IGF1: variants seen among roughly 807,000 people sequenced by gnomAD.
IGF1 encodes the protein insulin like growth factor 1.
In IGF1, 4 loss-of-function variants were observed where a neutral mutation model predicts 13.8. The observed-to-expected ratio is 0.29, with a 90% confidence interval of 0.14 to 0.66. IGF1 has a LOEUF of 0.66. Among genes scored for constraint, IGF1 ranks in the 30% least tolerant of loss-of-function variants. The pLI is 0.78. For synonymous variants in IGF1, 76 were observed against 72.6 expected, an observed-to-expected ratio of 1.05 and a Z score of -0.23; for missense variants, 124 against 188.5, an observed-to-expected ratio of 0.66 and a Z score of 2.00.
In IGF1 at chr12:102,402,372, A is replaced by T. The variant is rs1299168976; in HGVS notation, c.*135T>A. The T allele has an allele frequency of 1.7e-5, 13 of 767,222 alleles. No individual in the cohort carries two copies. The highest frequency in any genetic ancestry group is 3.2e-5 in the Non-Finnish European group (13 of 411,398). 47.5% of individuals were successfully genotyped at this position (767,222 alleles called of 1,614,324 possible). A position where few individuals can be genotyped will look rare whatever the true frequency, so the allele number is the denominator to read the frequency against. On this transcript the variant is annotated 3_prime_UTR_variant, in exon 4 of 4. Coordinates refer to ENST00000337514, the MANE Select transcript of IGF1 (RefSeq NM_000618.5). The stretch of plus-strand genomic sequence containing the variant: ...GTTGGAATGTTTACTTGTGTATTTC[A>T]TTGGGGGAAACGCCCATCTTTTAAA...
intron 2 of IGF1, among the ~76,000 whole-genome samples, chr12:102,448,704 A>T (rs1182536228): frequency 3.3e-5 from 5 of 151,444 alleles, no homozygotes; most frequent in East Asian, 1.9e-4. Flanking sequence ...AAAAAAAAAA[A>T]AAAAAAAAAA....
chr12:102,413,663 A>G (rs756574563), intron 3 of IGF1, among the ~76,000 whole-genome samples: 1 of 152,196 alleles, frequency 6.6e-6, no homozygotes, highest in Non-Finnish European at 1.5e-5. Flanking sequence ...CTGCATTTCT[A>G]TTTATTTTGG....
intron 2 of IGF1, among the ~76,000 whole-genome samples, chr12:102,474,986 T>C (rs1000045677): frequency 5.3e-5 from 8 of 152,026 alleles, no homozygotes; most frequent in Non-Finnish European, 8.8e-5. Flanking sequence ...CATTGATGGG[T>C]CCCGGAGAAG....
chr12:102,467,628 C>A (rs985779771), intron 2 of IGF1, among the ~76,000 whole-genome samples: 15 of 152,130 alleles, frequency 9.9e-5, no homozygotes, highest in Non-Finnish European at 1.6e-4. Flanking sequence ...GTACAAATTT[C>A]CACAGCGAGG....
intron 2 of IGF1, among the ~76,000 whole-genome samples, chr12:102,436,288 C>T (rs1019602294): frequency 6.6e-6 from 1 of 152,196 alleles, no homozygotes; most frequent in African/African-American, 2.4e-5. Context: ...GAAATTAGAG[C>T]CTTCACAGAT....
chr12:102,402,240 ATATAT>A lies in IGF1; in HGVS notation c.*262_*266del. Reference sequence around the variant, plus strand: ...GGCAGGGACTAAGATATATATATATATATATTTTTTTTTTCTTTTCTATAGAACAT... The same window carrying A: ...GGCAGGGACTAAGATATATATATATATTTTTTTTTCTTTTCTATAGAACAT... On this transcript the variant is annotated 3_prime_UTR_variant, in exon 4 of 4. Coordinates refer to ENST00000337514, the MANE Select transcript of IGF1 (RefSeq NM_000618.5). 4.0e-6 allele frequency: 1 copy of A among 252,436 alleles called. No homozygotes were observed. 15.6% of individuals were successfully genotyped at this position (252,436 alleles called of 1,614,324 possible).
chr12:102,434,844 T>A (rs1469983378), intron 2 of IGF1, among the ~76,000 whole-genome samples: 2 of 151,810 alleles, frequency 1.3e-5, no homozygotes, highest in Non-Finnish European at 2.9e-5. Context: ...CCATTCTAAC[T>A]GGTGTGAGAT....
chr12:102,458,294 G>A (rs1026806145), intron 2 of IGF1, among the ~76,000 whole-genome samples: 1 of 152,166 alleles, frequency 6.6e-6, no homozygotes, highest in Non-Finnish European at 1.5e-5. Flanking sequence ...CCCAGGAATA[G>A]ACTGACTCCT....
intron 3 of IGF1, among the ~76,000 whole-genome samples, chr12:102,418,241 G>T (rs1391842197): frequency 2.0e-5 from 3 of 152,330 alleles, no homozygotes; most frequent in East Asian, 3.9e-4. Flanking sequence ...GAGAAAGAAT[G>T]AATCTGCCTT....
At chr12:102,473,804 C>T (rs1167734742) in intron 2 of IGF1, among the ~76,000 whole-genome samples, 1 of 152,174 alleles carries the variant, frequency 6.6e-6, no homozygotes, top group African/African-American at 2.4e-5. Context: ...AGTGTCTGTG[C>T]AAACACTTAT....
chr12:102,478,396 A>G, intron 1 of IGF1: 1 of 781,212 alleles, frequency 1.3e-6, no homozygotes, highest in Non-Finnish European at 1.8e-6. Context: ...TTAATCTTAG[A>G]TAAATGGAAT....
intron 3 of IGF1, among the ~76,000 whole-genome samples, chr12:102,414,086 T>C (rs1333752492): frequency 1.3e-5 from 2 of 152,212 alleles, no homozygotes; most frequent in African/African-American, 4.8e-5. Context: ...AGTAAAATAA[T>C]GTTAACTAAA....
Position 102,398,188 on chromosome 12 carries a change from A to T in IGF1, c.*4319T>A, listed in dbSNP as rs929741709. ...TAAATTCTTTCTTTATCAGTAGATA[A>T]CCCCCATCTCATAAGGAAATACTTT... On this transcript the variant is annotated 3_prime_UTR_variant, in exon 4 of 4. Coordinates refer to ENST00000337514, the MANE Select transcript of IGF1 (RefSeq NM_000618.5). The T allele has an allele frequency of 6.6e-6, 1 of 152,410 alleles. No homozygotes were observed. The highest frequency in any genetic ancestry group is 1.5e-5 in the Non-Finnish European group (1 of 68,004). 9.4% of individuals were successfully genotyped at this position (152,410 alleles called of 1,614,324 possible).
intron 2 of IGF1, among the ~76,000 whole-genome samples, chr12:102,464,264 G>A (rs185007737): frequency 2.2e-4 from 34 of 151,836 alleles, no homozygotes; most frequent in African/African-American, 8.0e-4. Flanking sequence ...CAGTGGAGCA[G>A]TGGTGAAGGG....
At position 102,404,601 on chromosome 12, in the gene IGF1, A is replaced by G. The variant is rs144803025; in HGVS notation, c.403-2035T>C. On this transcript the variant is annotated intron_variant, in intron 3 of 3. Coordinates refer to ENST00000337514, the MANE Select transcript of IGF1 (RefSeq NM_000618.5). ...TGCAAAAAGGAAAAAAAGATGGTAG[A>G]AAGAAACTGGGCATTTGTATAGAAT... 7.2e-3 allele frequency among the ~76,000 whole-genome samples: 1,095 copies of G among 152,328 alleles called. 5 individuals carry two copies. Among genetic ancestry groups the G allele is most frequent in the Middle Eastern group, 0.041 (12 of 294 alleles).
chr12:102,397,522 C>T lies in IGF1; in HGVS notation c.*4985G>A, dbSNP rs1873313951. On this transcript the variant is annotated 3_prime_UTR_variant, in exon 4 of 4. Transcript: ENST00000337514. ...TTCTCTCTTTTTTAAATAGAAATTA[C>T]ACAAAAAAGATATCTATGTATCACT... 6.6e-6 allele frequency: 1 copy of T among 152,052 alleles called. No individual in the cohort carries two copies. 9.4% of individuals were successfully genotyped at this position (152,052 alleles called of 1,614,324 possible). A position where few individuals can be genotyped will look rare whatever the true frequency, so the allele number is the denominator to read the frequency against.
At chr12:102,414,042 C>G (rs1874876431) in intron 3 of IGF1, among the ~76,000 whole-genome samples, 1 of 152,194 alleles carries the variant, frequency 6.6e-6, no homozygotes, top group African/African-American at 2.4e-5. Flanking sequence ...AGGAGACCAA[C>G]TTCTTTTTCA....
chr12:102,443,058 A>T (rs1878008811), intron 2 of IGF1, among the ~76,000 whole-genome samples: 1 of 151,976 alleles, frequency 6.6e-6, no homozygotes, highest in Non-Finnish European at 1.5e-5. Flanking sequence ...TCAACCTTTC[A>T]TTTTGTAGTG....
intron 2 of IGF1, among the ~76,000 whole-genome samples, chr12:102,450,894 G>A (rs1878861721): frequency 6.6e-6 from 1 of 152,214 alleles, no homozygotes; most frequent in Non-Finnish European, 1.5e-5. Context: ...ATCTAGGAAT[G>A]CAGAGTCACA....
Sources: allele counts gnomAD v4.1 joint callset (sites outside exome capture counted in the v4.1 genomes callset), GRCh38; gene constraint gnomAD v4.1.1; transcripts MANE v1.5; gene names NCBI Gene and HGNC (gene_info 2026-07-23, HGNC 2026-07-21).